CXCR1: variants seen among roughly 807,000 people sequenced by gnomAD.
The protein encoded by CXCR1 is C-X-C motif chemokine receptor 1.
For synonymous variants in CXCR1, 180 were observed against 184.7 expected (o/e 0.97, Z 0.21); for missense variants, 419 against 440.5 (o/e 0.95, Z 0.44).
At chr2:218,165,323 C>T (rs1691265687) in intron 1 of CXCR1, 79 bp from the exon 2 acceptor site, 2 of 1,075,082 alleles carry the variant, frequency 1.9e-6, no homozygotes, top group Non-Finnish European at 1.4e-6. Flanking sequence ...AGAGCAGTTA[C>T]TGGGATATCC....
rs910136833 is a variant in CXCR1, at chr2:218,164,091, C to T, written c.*68G>A. Reference sequence around the variant, plus strand: ...TGCCTGTCCAGAGCCAGATCACCTTCCACACACAACCTCAGGGTGTTGGTT... The same window carrying T: ...TGCCTGTCCAGAGCCAGATCACCTTTCACACACAACCTCAGGGTGTTGGTT... On this transcript the variant is annotated 3_prime_UTR_variant, in exon 2 of 2. Coordinates refer to ENST00000295683, the MANE Select transcript of CXCR1 (RefSeq NM_000634.3). 1 of 1,582,336 alleles carries T rather than the reference C, an allele frequency of 6.3e-7. No individual in the cohort carries two copies. Among genetic ancestry groups the T allele is most frequent in the Non-Finnish European group, 8.6e-7 (1 of 1,161,314 alleles).
In CXCR1 at chr2:218,164,807, A is replaced by G. The variant is rs1331819019; in HGVS notation, c.405T>C (p.Arg135=). ...ILLLACISVD[R]YLAIVHATRT... is the part of the protein sequence containing the mutation. The stretch of plus-strand genomic sequence containing the variant: ...GTGTGGCATGGACAATGGCCAGGTA[A>G]CGGTCCACACTGATGCAGGCCAACA... Residue 135 remains arginine, a synonymous_variant, in exon 2 of 2, where the codon CGT becomes CGC. Coordinates refer to ENST00000295683, the MANE Select transcript of CXCR1 (RefSeq NM_000634.3). 11 of 1,614,254 alleles carry G rather than the reference A, an allele frequency of 6.8e-6. No individual in the cohort carries two copies. In the East Asian group the frequency reaches 8.9e-5, roughly 13 times the overall value.
intron 1 of CXCR1, 116 bp from the exon 2 acceptor site, chr2:218,165,360 A>T: frequency 1.3e-6 from 1 of 793,438 alleles, no homozygotes. Flanking sequence ...TTTGGCAATG[A>T]GAGCTCTCCT....
rs1425390709 is a variant in CXCR1 at position 218,164,810 on chromosome 2, G to A, written c.402C>T (p.Asp134=). Reference sequence around the variant, plus strand: ...TGGCATGGACAATGGCCAGGTAACGGTCCACACTGATGCAGGCCAACAGCA... The same window carrying A: ...TGGCATGGACAATGGCCAGGTAACGATCCACACTGATGCAGGCCAACAGCA... ...GILLLACISV[D]RYLAIVHATR... Residue 134 remains aspartate, a synonymous_variant, in exon 2 of 2, where the codon GAC becomes GAT. Coordinates refer to ENST00000295683, the MANE Select transcript of CXCR1 (RefSeq NM_000634.3). 3 of 1,614,130 alleles carry A rather than the reference G, an allele frequency of 1.9e-6. No homozygotes were observed. The highest frequency in any genetic ancestry group is 2.2e-5 in the East Asian group (1 of 44,900).
chr2:218,164,354 G>C lies in CXCR1; in HGVS notation c.858C>G (p.Ala286=). Residue 286 remains alanine, a synonymous_variant, in exon 2 of 2, where the codon GCC becomes GCG. Coordinates refer to ENST00000295683, the MANE Select transcript of CXCR1 (RefSeq NM_000634.3). The stretch of plus-strand genomic sequence containing the variant: ...ATCCCAGAATCTCAGTGGCATCCAG[G>C]GCCCGGCCGATGTTGTTGCGGCGCT... ...SCERRNNIGR[A]LDATEILGFL... The C allele has an allele frequency of 6.2e-7, 1 of 1,612,868 alleles. No individual in the cohort carries two copies. Among genetic ancestry groups the C allele is most frequent in the Non-Finnish European group, 8.5e-7 (1 of 1,179,018 alleles).
rs567767370 is a variant in CXCR1 at position 218,164,500 on chromosome 2, G to T, written c.712C>A (p.His238Asn). The T allele has an allele frequency of 1.4e-5, 23 of 1,614,106 alleles. No individual in the cohort carries two copies. The highest frequency in any genetic ancestry group is 1.8e-5 in the Non-Finnish European group (21 of 1,180,044). Reference protein sequence around the residue: ...TLFKAHMGQKHRAMRVIFAVV... With the variant: ...TLFKAHMGQKNRAMRVIFAVV... ...GCAAAGATGACCCTCATGGCTCGGT[G>T]CTTCTGCCCCATGTGGGCCTTAAAC... The change falls in exon 2 of 2, where the codon CAC becomes AAC. Residue 238 changes from histidine (H) to asparagine (N), a missense_variant. Transcript: ENST00000295683.
chr2:218,163,181 G>T lies in CXCR1; in HGVS notation c.*978C>A, dbSNP rs1691220540. 1 of 152,456 alleles carries T rather than the reference G, an allele frequency of 6.6e-6. No individual in the cohort carries two copies. Among genetic ancestry groups the T allele is most frequent in the Admixed American group, 6.5e-5 (1 of 15,280 alleles). The allele number at this position is 152,456 out of a possible 1,614,324, so 9.4% of individuals were successfully genotyped here. A position where few individuals can be genotyped will look rare whatever the true frequency, so the allele number is the denominator to read the frequency against. On this transcript the variant is annotated 3_prime_UTR_variant, in exon 2 of 2. Coordinates refer to ENST00000295683, the MANE Select transcript of CXCR1 (RefSeq NM_000634.3). ...GTGCCTCAAGAGACTGTTCTAGCAGGAGTTAAAGCCCCAGGGAACACTGCC... is the reference window on the plus strand; with the variant it reads ...GTGCCTCAAGAGACTGTTCTAGCAGTAGTTAAAGCCCCAGGGAACACTGCC...
At position 218,165,174 on chromosome 2, in the gene CXCR1, T is replaced by C. The variant is rs1165174876; in HGVS notation, c.38A>G (p.Asp13Gly). ...TGGCATGCCAGTGAAATTTAGATCA[T>C]CAAAATCCCACATCTGTGGATCTGT... ...NITDPQMWDF[D>G]DLNFTGMPPA... is the part of the protein sequence containing the mutation. The change falls in exon 2 of 2, where the codon GAT (aspartate) becomes GGT (glycine). Residue 13 changes from aspartate to glycine, a missense_variant. By Grantham distance (94) the Asp-to-Gly change is moderately conservative. Coordinates refer to ENST00000295683, the MANE Select transcript of CXCR1 (RefSeq NM_000634.3). The C allele has an allele frequency of 6.2e-6, 10 of 1,614,120 alleles. No homozygotes were observed. Among genetic ancestry groups the C allele is most frequent in the Non-Finnish European group, 6.8e-6 (8 of 1,180,042 alleles).
chr2:218,163,877 T>C lies in CXCR1; in HGVS notation c.*282A>G, dbSNP rs1274593113. On this transcript the variant is annotated 3_prime_UTR_variant, in exon 2 of 2. Transcript: ENST00000295683. ...CAGATTCGGGGCTCAGATGTGGCCA[T>C]GCTAATTAGCCAGTTAGTGGGTTAA... 2 of 432,284 alleles carry C rather than the reference T, an allele frequency of 4.6e-6. No homozygotes were observed. The highest frequency in any genetic ancestry group is 9.4e-5 in the East Asian group (2 of 21,234). 26.8% of individuals were successfully genotyped at this position (432,284 alleles called of 1,614,324 possible).
chr2:218,164,789 A>G lies in CXCR1; in HGVS notation c.423T>C (p.His141=). ...ISVDRYLAIV[H]ATRTLTQKRH... ...GCTTCTGGGTCAGTGTGCGTGTGGC[A>G]TGGACAATGGCCAGGTAACGGTCCA... The change falls in exon 2 of 2, where the codon CAT becomes CAC. Residue 141 remains histidine, a synonymous_variant. Transcript: ENST00000295683. 6.2e-7 allele frequency: 1 copy of G among 1,614,266 alleles called. No homozygotes were observed. Among genetic ancestry groups the G allele is most frequent in the Non-Finnish European group, 8.5e-7 (1 of 1,180,044 alleles).
rs544688471 is a variant in CXCR1 at position 218,163,778 on chromosome 2, G to A, written c.*381C>T. The stretch of plus-strand genomic sequence containing the variant: ...GCTTAACACTCAGAGTTGAGGAGAT[G>A]CTCCTGTGAGGGTCAACGAGAGCAT... On this transcript the variant is annotated 3_prime_UTR_variant, in exon 2 of 2. Coordinates refer to ENST00000295683, the MANE Select transcript of CXCR1 (RefSeq NM_000634.3). The A allele has an allele frequency of 2.9e-5, 8 of 275,938 alleles. No individual in the cohort carries two copies. The South Asian group carries it at 3.1e-4, about 11-fold the overall frequency. 17.1% of individuals were successfully genotyped at this position (275,938 alleles called of 1,614,324 possible).
At chr2:218,166,327 A>G (rs1220220009) in intron 1 of CXCR1, among the ~76,000 whole-genome samples, 1 of 152,090 alleles carries the variant, frequency 6.6e-6, no homozygotes, top group Non-Finnish European at 1.5e-5. Context: ...AATCCCAACT[A>G]CTCAGGAGGC....
At chr2:218,165,589 G>T (rs1055707457) in intron 1 of CXCR1, among the ~76,000 whole-genome samples, 6 of 152,230 alleles carry the variant, frequency 3.9e-5, no homozygotes, top group Non-Finnish European at 8.8e-5. Flanking sequence ...GCATTTGGAT[G>T]TGGGGACCAG....
chr2:218,166,584 G>A (rs758537021), intron 1 of CXCR1, among the ~76,000 whole-genome samples: 8 of 152,136 alleles, frequency 5.3e-5, no homozygotes, highest in Non-Finnish European at 8.8e-5. Flanking sequence ...TGTATGATGA[G>A]TCCACTCAGA....
At position 218,164,137 on chromosome 2, in the gene CXCR1, G is replaced by A. The variant is rs562118565; in HGVS notation, c.*22C>T. Reference sequence around the variant, plus strand: ...TGGTTATTCTTTCCTTCTGAGAAGAGATATTCCTTCATCGATGGTTTTCAG... The same window carrying A: ...TGGTTATTCTTTCCTTCTGAGAAGAAATATTCCTTCATCGATGGTTTTCAG... On this transcript the variant is annotated 3_prime_UTR_variant, in exon 2 of 2. Coordinates refer to ENST00000295683, the MANE Select transcript of CXCR1 (RefSeq NM_000634.3). 1 of 1,612,316 alleles carries A rather than the reference G, an allele frequency of 6.2e-7. No homozygotes were observed. Among genetic ancestry groups the A allele is most frequent in the Non-Finnish European group, 8.5e-7 (1 of 1,179,336 alleles).
Position 218,164,486 on chromosome 2 carries a change from C to A in CXCR1, c.726G>T (p.Arg242Ser). ...AHMGQKHRAMRVIFAVVLIFL... is the reference protein window; with the variant it reads ...AHMGQKHRAMSVIFAVVLIFL... ...AGATGAGGACGACAGCAAAGATGAC[C>A]CTCATGGCTCGGTGCTTCTGCCCCA... The change falls in exon 2 of 2, where the codon AGG (arginine) becomes AGT (serine). Residue 242 changes from arginine (R) to serine (S), a missense_variant. Coordinates refer to ENST00000295683, the MANE Select transcript of CXCR1 (RefSeq NM_000634.3). The A allele has an allele frequency of 6.2e-7, 1 of 1,614,196 alleles. No homozygotes were observed.
rs1194178226 is a variant in CXCR1 at position 218,165,182 on chromosome 2, C to T, written c.30G>A (p.Trp10Ter). 1.2e-6 allele frequency: 2 copies of T among 1,614,178 alleles called. No individual in the cohort carries two copies. The highest frequency in any genetic ancestry group is 1.7e-5 in the Admixed American group (1 of 60,024). ...CAGTGAAATTTAGATCATCAAAATC[C>T]CACATCTGTGGATCTGTAATATTTG... MSNITDPQM[W>*]DFDDLNFTGM... is the part of the protein sequence containing the mutation. Residue 10 changes from tryptophan (W) to a stop codon, truncating the protein, a stop_gained, in exon 2 of 2, where the codon TGG (tryptophan) becomes TGA (stop). Coordinates refer to ENST00000295683, the MANE Select transcript of CXCR1 (RefSeq NM_000634.3). LOFTEE classifies it low-confidence loss of function (END_TRUNC).
chr2:218,164,079 C>A lies in CXCR1; in HGVS notation c.*80G>T. 1 of 1,555,600 alleles carries A rather than the reference C, an allele frequency of 6.4e-7. No homozygotes were observed. Among genetic ancestry groups the A allele is most frequent in the Non-Finnish European group, 8.8e-7 (1 of 1,140,524 alleles). ...AAACCCAGATAGTGCCTGTCCAGAG[C>A]CAGATCACCTTCCACACACAACCTC... On this transcript the variant is annotated 3_prime_UTR_variant, in exon 2 of 2. Transcript: ENST00000295683.
rs922958326 is a variant in CXCR1 at position 218,165,039 on chromosome 2, G to A, written c.173C>T (p.Ser58Phe). 1.9e-6 allele frequency: 3 copies of A among 1,614,216 alleles called. No individual in the cohort carries two copies. Among genetic ancestry groups the A allele is most frequent in the African/African-American group, 1.3e-5 (1 of 75,056 alleles). ...LVFLLSLLGN[S>F]LVMLVILYSR... is the part of the protein sequence containing the mutation. ...GTATAAGATGACCAGCATCACCAGG[G>A]AGTTTCCCAGCAGGCTCAGCAGGAA... The change falls in exon 2 of 2, where the codon TCC becomes TTC. Residue 58 changes from serine to phenylalanine, a missense_variant. By Grantham distance (155) the Ser-to-Phe change is radical. Transcript: ENST00000295683.
Sources: allele counts gnomAD v4.1 joint callset (sites outside exome capture counted in the v4.1 genomes callset), GRCh38; gene constraint gnomAD v4.1.1; transcripts MANE v1.5; gene names NCBI Gene and HGNC (gene_info 2026-07-23, HGNC 2026-07-21).